The following LPP variants were observed in gnomAD, a reference collection of about 807,000 sequenced individuals.
The protein encoded by LPP is LIM domain containing preferred translocation partner in lipoma.
In LPP, 38 loss-of-function variants were observed where a neutral mutation model predicts 60.4. The ratio of observed to expected loss-of-function variants is 0.63; its 90% CI spans 0.49 to 0.83. The LOEUF (loss-of-function observed/expected upper bound fraction) is 0.83. Among genes scored for constraint, LPP ranks in the 40% least tolerant of loss-of-function variants. LPP has a pLI of 0.00. For missense variants in LPP, 902 were observed against 783.6 expected (o/e 1.15, Z -1.80); for synonymous variants, 328 against 290.8 (o/e 1.13, Z -1.30).
At chr3:188,800,171 G>A (rs369260414) in intron 9 of LPP, among the ~76,000 whole-genome samples, 2 of 56,046 alleles carry the variant, frequency 3.6e-5, no homozygotes, top group South Asian at 6.0e-4. Flanking sequence ...ATTTAACATT[G>A]TTTCTTTTTT....
At chr3:188,586,779 G>A (rs961786007) in intron 6 of LPP, among the ~76,000 whole-genome samples, 2 of 150,788 alleles carry the variant, frequency 1.3e-5, no homozygotes, top group African/African-American at 4.9e-5. Context: ...CCAGGCTGGA[G>A]TGCAGTGGCC....
chr3:188,418,789 A>G (rs1787018040), intron 4 of LPP, among the ~76,000 whole-genome samples: 1 of 152,154 alleles, frequency 6.6e-6, no homozygotes, highest in South Asian at 2.1e-4. Context: ...TCTCAAGGCG[A>G]CATTATTTGA....
intron 8 of LPP, among the ~76,000 whole-genome samples, chr3:188,730,079 A>G (rs945409299): frequency 6.6e-6 from 1 of 152,260 alleles, no homozygotes; most frequent in African/African-American, 2.4e-5. Flanking sequence ...ACACACATAT[A>G]GATTTAAAGA....
chr3:188,775,284 C>T (rs1164795022), intron 9 of LPP, among the ~76,000 whole-genome samples: 2 of 152,206 alleles, frequency 1.3e-5, no homozygotes, highest in East Asian at 1.9e-4. Context: ...ATCTCCTGAC[C>T]TCGTGATCCA....
intron 8 of LPP, among the ~76,000 whole-genome samples, chr3:188,730,317 A>G (rs1719976278): frequency 6.6e-6 from 1 of 152,168 alleles, no homozygotes; most frequent in Non-Finnish European, 1.5e-5. Context: ...GCCCAGATTG[A>G]AACAGGAGTG....
At chr3:188,427,922 G>T (rs535764066) in intron 4 of LPP, among the ~76,000 whole-genome samples, 1 of 152,022 alleles carries the variant, frequency 6.6e-6, no homozygotes, top group Non-Finnish European at 1.5e-5. Flanking sequence ...GGAGTGAACG[G>T]TTCTGTCTCC....
chr3:188,239,946 T>C (rs1030180894), intron 2 of LPP: 1 of 201,358 alleles, frequency 5.0e-6, no homozygotes, highest in African/African-American at 2.3e-5. Flanking sequence ...TGCAATTTAT[T>C]TTATCCCAAA....
intron 1 of LPP, among the ~76,000 whole-genome samples, chr3:188,202,105 G>A (rs1731246424): frequency 1.3e-5 from 2 of 151,894 alleles, no homozygotes; most frequent in African/African-American, 4.8e-5. Flanking sequence ...GACTTCCCCT[G>A]TTGCCATTGG....
intron 7 of LPP, among the ~76,000 whole-genome samples, chr3:188,699,413 A>G (rs1439166370): frequency 6.7e-6 from 1 of 148,748 alleles, no homozygotes; most frequent in Non-Finnish European, 1.5e-5. Flanking sequence ...AGAATCATCC[A>G]TCCTTGGCTA....
In LPP at chr3:188,549,240, CT is replaced by C. The variant is rs1222819036; in HGVS notation, c.429+24462del. ...CCTTGTTGTATTTTAATCATTTTAT[CT>C]TTTTTTTTGGCCTGGAAAATATTAA... is the stretch of plus-strand genomic sequence containing the variant. On this transcript the variant is annotated intron_variant, in intron 6 of 11. Coordinates refer to ENST00000617246, the MANE Select transcript of LPP (RefSeq NM_001375462.1). Among the ~76,000 whole-genome samples the C allele has an allele frequency of 3.3e-5, 5 of 151,288 alleles. No homozygotes were observed. The East Asian group carries it at 5.8e-4, about 18-fold the overall frequency.
intron 2 of LPP, among the ~76,000 whole-genome samples, chr3:188,244,005 A>G (rs1253666344): frequency 6.6e-6 from 1 of 152,024 alleles, no homozygotes; most frequent in African/African-American, 2.4e-5. Context: ...CCTCCTGAGT[A>G]GCTTACAGGT....
At chr3:188,452,155 C>T (rs1488145662) in intron 4 of LPP, among the ~76,000 whole-genome samples, 1 of 152,160 alleles carries the variant, frequency 6.6e-6, no homozygotes, top group African/African-American at 2.4e-5. Context: ...GCCAGTAGAA[C>T]TAAGGATAAA....
At chr3:188,384,367 TA>T in intron 3 of LPP, among the ~76,000 whole-genome samples, 1 of 145,102 alleles carries the variant, frequency 6.9e-6, no homozygotes, top group Non-Finnish European at 1.5e-5. Flanking sequence ...TAGATCTACA[TA>T]CATGTGTACA....
intron 9 of LPP, among the ~76,000 whole-genome samples, chr3:188,864,807 T>C (rs143052025): frequency 6.6e-6 from 1 of 152,342 alleles, no homozygotes; most frequent in East Asian, 1.9e-4. Flanking sequence ...GTGAAGCCAT[T>C]AAGATTTTAT....
At chr3:188,468,183 TG>T (rs943290715) in intron 4 of LPP, among the ~76,000 whole-genome samples, 1 of 152,168 alleles carries the variant, frequency 6.6e-6, no homozygotes, top group African/African-American at 2.4e-5. Flanking sequence ...CTGGGTATTT[TG>T]CTTTGAAAAT....
At chr3:188,324,455 G>A (rs1757825631) in intron 2 of LPP, among the ~76,000 whole-genome samples, 1 of 152,148 alleles carries the variant, frequency 6.6e-6, no homozygotes, top group African/African-American at 2.4e-5. Flanking sequence ...GTCATCTCAA[G>A]ATCTACCAAG....
At chr3:188,763,412 A>G (rs1429402904) in intron 9 of LPP, among the ~76,000 whole-genome samples, 2 of 152,156 alleles carry the variant, frequency 1.3e-5, no homozygotes, top group African/African-American at 4.8e-5. Flanking sequence ...TCAACTTAAG[A>G]TCCTATTAAA....
At chr3:188,410,399 TG>T (rs529071675) in intron 4 of LPP, among the ~76,000 whole-genome samples, 95 of 152,348 alleles carry the variant, frequency 6.2e-4, no homozygotes, top group Admixed American at 2.2e-3. Flanking sequence ...TAATTCTGAC[TG>T]TGAAAGTAGA....
At chr3:188,727,989 A>G (rs910986990) in intron 8 of LPP, among the ~76,000 whole-genome samples, 2 of 152,164 alleles carry the variant, frequency 1.3e-5, no homozygotes, top group Non-Finnish European at 2.9e-5. Flanking sequence ...ACTCATTCAT[A>G]GAATTATAAG....
Sources: allele counts gnomAD v4.1 joint callset (sites outside exome capture counted in the v4.1 genomes callset), GRCh38; gene constraint gnomAD v4.1.1; transcripts MANE v1.5; gene names NCBI Gene and HGNC (gene_info 2026-07-23, HGNC 2026-07-21).